Variants in THSD7A observed in about 807,000 individuals in gnomAD.
THSD7A encodes thrombospondin type-1 domain-containing protein 7A.
Under a neutral mutation model 231.3 loss-of-function variants are expected in THSD7A, and 96 were observed. That is an observed-to-expected ratio of 0.41 (90% CI 0.35 to 0.49). THSD7A has a LOEUF of 0.49. Among genes scored for constraint, THSD7A ranks in the 20% least tolerant of loss-of-function variants. The pLI is 0.05. For synonymous variants in THSD7A, 940 were observed against 743.3 expected, an observed-to-expected ratio of 1.26 and a Z score of -4.30; for missense variants, 2,290 against 2,070.2, an observed-to-expected ratio of 1.11 and a Z score of -2.06.
At chr7:11,606,179 A>G (rs1157328688) in intron 2 of THSD7A, among the ~76,000 whole-genome samples, 2 of 152,164 alleles carry the variant, frequency 1.3e-5, no homozygotes, top group Non-Finnish European at 2.9e-5. Flanking sequence ...ATCCATGTGC[A>G]TGATCAGTGG....
intron 2 of THSD7A, among the ~76,000 whole-genome samples, chr7:11,617,454 TTTCA>T (rs1327596405): frequency 6.6e-6 from 1 of 152,232 alleles, no homozygotes; most frequent in East Asian, 1.9e-4. Context: ...TCATTCACTC[TTTCA>T]TTCATTCAGC....
chr7:11,776,596 T>C (rs548031081), intron 1 of THSD7A, among the ~76,000 whole-genome samples: 1 of 152,310 alleles, frequency 6.6e-6, no homozygotes, highest in South Asian at 2.1e-4. Context: ...ATTCTTCTAT[T>C]TTGATGTTTG....
chr7:11,483,039 A>G (rs150637242), intron 6 of THSD7A, among the ~76,000 whole-genome samples: 3 of 152,272 alleles, frequency 2.0e-5, no homozygotes, highest in African/African-American at 7.2e-5. Context: ...TTAACCTGCT[A>G]TTTTGGCACA....
intron 13 of THSD7A, among the ~76,000 whole-genome samples, chr7:11,434,131 A>G (rs868776867): frequency 2.6e-5 from 4 of 152,160 alleles, no homozygotes; most frequent in Middle Eastern, 6.8e-3. Flanking sequence ...TTTTAGGGCA[A>G]TTAACACCAA....
At chr7:11,721,270 C>A (rs1054393440) in intron 1 of THSD7A, among the ~76,000 whole-genome samples, 10 of 151,770 alleles carry the variant, frequency 6.6e-5, no homozygotes, top group Non-Finnish European at 2.9e-5. Context: ...AAATTGTAAT[C>A]CCCAATGTTG....
At chr7:11,494,784 G>A (rs1787032677) in intron 6 of THSD7A, among the ~76,000 whole-genome samples, 1 of 151,986 alleles carries the variant, frequency 6.6e-6, no homozygotes. Context: ...CCAGGCACGA[G>A]CATTCTTATG....
chr7:11,616,715 T>A (rs1293741357), intron 2 of THSD7A, among the ~76,000 whole-genome samples: 1 of 152,122 alleles, frequency 6.6e-6, no homozygotes, highest in East Asian at 1.9e-4. Context: ...TCTTTTACCA[T>A]AACCCAGTGA....
chr7:11,697,050 A>G (rs1183928715), intron 1 of THSD7A, among the ~76,000 whole-genome samples: 1 of 151,382 alleles, frequency 6.6e-6, no homozygotes, highest in African/African-American at 2.4e-5. Flanking sequence ...ATTGATTGCT[A>G]TCTCCTTGAA....
chr7:11,671,697 T>G (rs567592229), intron 1 of THSD7A, among the ~76,000 whole-genome samples: 1 of 152,274 alleles, frequency 6.6e-6, no homozygotes, highest in East Asian at 1.9e-4. Flanking sequence ...TACAGAAGTT[T>G]CAATTAAGAA....
At chr7:11,817,023 A>C (rs1784722926) in intron 1 of THSD7A, among the ~76,000 whole-genome samples, 1 of 152,220 alleles carries the variant, frequency 6.6e-6, no homozygotes, top group African/African-American at 2.4e-5. Context: ...AGAATGTACA[A>C]ATAAATGGGT....
intron 13 of THSD7A, among the ~76,000 whole-genome samples, chr7:11,436,301 C>T (rs949407356): frequency 2.0e-5 from 3 of 152,066 alleles, no homozygotes; most frequent in African/African-American, 7.2e-5. Flanking sequence ...CAGTGCAATG[C>T]ACTGTTCTTT....
intron 11 of THSD7A, among the ~76,000 whole-genome samples, chr7:11,448,282 T>C (rs924321351): frequency 7.9e-5 from 12 of 152,090 alleles, no homozygotes; most frequent in Admixed American, 7.2e-4. Context: ...ATATGAGTGT[T>C]TTATGGTAAC....
intron 1 of THSD7A, among the ~76,000 whole-genome samples, chr7:11,825,607 AC>A (rs1334597272): frequency 2.0e-5 from 3 of 152,182 alleles, no homozygotes; most frequent in Non-Finnish European, 2.9e-5. Context: ...CATTTACTGA[AC>A]TTTTAATATG....
chr7:11,740,461 T>C (rs1010166793), intron 1 of THSD7A, among the ~76,000 whole-genome samples: 1 of 151,950 alleles, frequency 6.6e-6, no homozygotes, highest in Admixed American at 6.6e-5. Flanking sequence ...TGACACCAGA[T>C]TCTTCAGCTA....
intron 16 of THSD7A, among the ~76,000 whole-genome samples, chr7:11,424,030 T>C (rs967805050): frequency 6.6e-6 from 1 of 152,106 alleles, no homozygotes; most frequent in African/African-American, 2.4e-5. Context: ...ATATGGAGTG[T>C]AATAGAACAA....
intron 1 of THSD7A, among the ~76,000 whole-genome samples, chr7:11,674,436 C>T (rs781032893): frequency 6.6e-6 from 1 of 152,112 alleles, no homozygotes; most frequent in Non-Finnish European, 1.5e-5. Context: ...AGAGGGTGAA[C>T]ACAGCAGTGT....
At chr7:11,733,487 T>C (rs1055900086) in intron 1 of THSD7A, among the ~76,000 whole-genome samples, 1 of 151,902 alleles carries the variant, frequency 6.6e-6, no homozygotes, top group African/African-American at 2.4e-5. Context: ...GATAACTTTA[T>C]CTGATCCTTT....
chr7:11,777,217 A>G (rs1201856512), intron 1 of THSD7A, among the ~76,000 whole-genome samples: 1 of 152,170 alleles, frequency 6.6e-6, no homozygotes, highest in East Asian at 1.9e-4. Flanking sequence ...ATAAGGGGAC[A>G]TTTGGTGCCA....
At chr7:11,624,218 A>G (rs1340469132) in intron 2 of THSD7A, among the ~76,000 whole-genome samples, 1 of 152,054 alleles carries the variant, frequency 6.6e-6, no homozygotes, top group Admixed American at 6.6e-5. Context: ...TCCTCACCCC[A>G]TTCTTGGATT....
Sources: gnomAD v4.1 joint callset for allele counts (sites outside exome capture counted in the v4.1 genomes callset) on GRCh38, gnomAD v4.1.1 for gene constraint, MANE v1.5 for transcripts, NCBI Gene and HGNC (gene_info 2026-07-23, HGNC 2026-07-21) for gene names.